Variants in CUX1 observed in about 807,000 individuals in gnomAD.
CUX1 encodes protein CASP.
CUX1 carries 31 observed loss-of-function variants against 158.8 expected under a neutral mutation model. The ratio of observed to expected loss-of-function variants is 0.20; its 90% CI spans 0.15 to 0.26. The LOEUF is 0.26. Among genes scored for constraint, CUX1 ranks in the 10% least tolerant of loss-of-function variants. The probability of loss-of-function intolerance (pLI) is 1.00; values close to 1 mark genes in which losing one functional copy is unlikely to be tolerated. For synonymous variants in CUX1, 879 were observed against 862.1 expected, an observed-to-expected ratio of 1.02 and a Z score of -0.34; for missense variants, 1,589 against 2,014.6, an observed-to-expected ratio of 0.79 and a Z score of 4.04.
At chr7:101,998,905 G>A (rs1054887547) in intron 2 of CUX1, among the ~76,000 whole-genome samples, 10 of 152,318 alleles carry the variant, frequency 6.6e-5, no homozygotes, top group African/African-American at 2.2e-4. Context: ...CCAGGTTCAC[G>A]GCTGGGCTTT....
intron 8 of CUX1, among the ~76,000 whole-genome samples, chr7:102,124,774 T>A (rs1832429363): frequency 6.6e-6 from 1 of 151,976 alleles, no homozygotes; most frequent in South Asian, 2.1e-4. Flanking sequence ...TAAAATTGGT[T>A]AGTAGAAATT....
chr7:102,246,429 A>C (rs1800819753), intron 23 of CUX1, among the ~76,000 whole-genome samples: 1 of 152,164 alleles, frequency 6.6e-6, no homozygotes, highest in Non-Finnish European at 1.5e-5. Context: ...GCACGCAGGA[A>C]TCAAATAACT....
At chr7:102,137,188 T>TCC (rs1306394010) in intron 8 of CUX1, among the ~76,000 whole-genome samples, 3 of 152,198 alleles carry the variant, frequency 2.0e-5, no homozygotes, top group Non-Finnish European at 4.4e-5. Flanking sequence ...CTTTCCATGT[T>TCC]AATCAAATGC....
At chr7:102,048,948 G>C (rs760696716) in intron 3 of CUX1, among the ~76,000 whole-genome samples, 3 of 152,174 alleles carry the variant, frequency 2.0e-5, no homozygotes, top group African/African-American at 7.2e-5. Flanking sequence ...CTCCATGTCT[G>C]TTTCATCTGT....
chr7:101,989,593 G>C, intron 2 of CUX1, among the ~76,000 whole-genome samples: 1 of 152,226 alleles, frequency 6.6e-6, no homozygotes, highest in Admixed American at 6.5e-5. Context: ...AGACACCATG[G>C]AGGTGGAGAG....
At chr7:102,273,089 C>T (rs1791345306) in intron 14 of CUX1, among the ~76,000 whole-genome samples, 1 of 152,258 alleles carries the variant, frequency 6.6e-6, no homozygotes, top group African/African-American at 2.4e-5. Flanking sequence ...TCTCCTAATC[C>T]CTGACCTGAG....
chr7:102,136,460 C>T (rs1477135074), intron 8 of CUX1, among the ~76,000 whole-genome samples: 1 of 151,824 alleles, frequency 6.6e-6, no homozygotes, highest in African/African-American at 2.4e-5. Flanking sequence ...GGCACGATCT[C>T]AGCTCACTGC....
intron 1 of CUX1, among the ~76,000 whole-genome samples, chr7:101,844,000 T>C (rs556073173): frequency 1.3e-4 from 20 of 152,288 alleles, no homozygotes; most frequent in African/African-American, 4.8e-4. Context: ...AACCTGCACC[T>C]TTCTTAAGTT....
chr7:101,923,166 G>A (rs1015641107), intron 2 of CUX1, among the ~76,000 whole-genome samples: 13 of 152,156 alleles, frequency 8.5e-5, no homozygotes, highest in Non-Finnish European at 1.6e-4. Context: ...GGACAGTTTG[G>A]AGACCAGGTA....
At position 102,257,287 on chromosome 7, in the gene CUX1, TC is replaced by T. The variant is rs1790000892; in HGVS notation, c.*8249del. On this transcript the variant is annotated 3_prime_UTR_variant, in exon 24 of 24. Coordinates refer to ENST00000292535, the MANE Select transcript of CUX1 (RefSeq NM_181552.4). Reference sequence around the variant, plus strand: ...AAGAAACCCTCCACCGAAACAATGGTCCCCATCTCCCCAGAAGCCTTTTTTT... The same window carrying T: ...AAGAAACCCTCCACCGAAACAATGGTCCCATCTCCCCAGAAGCCTTTTTTT... The T allele has an allele frequency of 1.0e-6, 1 of 983,226 alleles. No homozygotes were observed. The highest frequency in any genetic ancestry group is 1.8e-5 in the African/African-American group (1 of 56,748). 60.9% of individuals were successfully genotyped at this position (983,226 alleles called of 1,614,324 possible). A position where few individuals can be genotyped will look rare whatever the true frequency, so the allele number is the denominator to read the frequency against.
intron 2 of CUX1, among the ~76,000 whole-genome samples, chr7:101,990,533 T>C (rs1424819593): frequency 1.3e-5 from 2 of 152,168 alleles, no homozygotes; most frequent in East Asian, 3.9e-4. Flanking sequence ...CCCACCACCA[T>C]GTCTGGCTAA....
chr7:101,954,468 A>C (rs1424896868), intron 2 of CUX1, among the ~76,000 whole-genome samples: 1 of 152,188 alleles, frequency 6.6e-6, no homozygotes, highest in Non-Finnish European at 1.5e-5. Context: ...CGTCTTTTGT[A>C]GCTGTATGTA....
At chr7:102,054,490 T>A (rs1480286984) in intron 3 of CUX1, among the ~76,000 whole-genome samples, 1 of 152,228 alleles carries the variant, frequency 6.6e-6, no homozygotes, top group Admixed American at 6.5e-5. Context: ...CTTTCTGGGC[T>A]GTATTGATCT....
chr7:102,061,663 G>A (rs534276058), intron 3 of CUX1, among the ~76,000 whole-genome samples: 19 of 152,324 alleles, frequency 1.2e-4, no homozygotes, highest in East Asian at 3.9e-4. Flanking sequence ...TGTGTGTGGC[G>A]TGGACTTGCC....
In CUX1 at chr7:101,916,020, C is replaced by T. The variant is rs1287588430; in HGVS notation, c.31-95C>T. 4.8e-6 allele frequency: 4 copies of T among 832,252 alleles called. No individual in the cohort carries two copies. The highest frequency in any genetic ancestry group is 8.3e-6 in the Non-Finnish European group (4 of 481,932). 51.6% of individuals were successfully genotyped at this position (832,252 alleles called of 1,614,324 possible). A position where few individuals can be genotyped will look rare whatever the true frequency, so the allele number is the denominator to read the frequency against. On this transcript the variant is annotated intron_variant, in intron 1 of 23. Transcript: ENST00000292535. The surrounding 1 kb of genome is among the most constrained non-coding windows in gnomAD (Gnocchi z 4.4). ...TGATGTTCCTTAGAGCCACTGGGGT[C>T]TCTCCCCCAGTGTTCTGGTCAAATG...
chr7:102,141,670 T>G (rs368642219), intron 8 of CUX1, among the ~76,000 whole-genome samples: 2 of 152,278 alleles, frequency 1.3e-5, no homozygotes, highest in East Asian at 1.9e-4. Flanking sequence ...TTGCCCAGGC[T>G]GTAGTGCAGT....
At chr7:101,970,785 A>ACCTAAGCTGACCCACCTC (rs1811857448) in intron 2 of CUX1, among the ~76,000 whole-genome samples, 1 of 152,000 alleles carries the variant, frequency 6.6e-6, no homozygotes, top group South Asian at 2.1e-4. Flanking sequence ...TGAACTCCTG[A>ACCTAAGCTGACCCACCTC]CCTCAGCTGA....
At chr7:101,956,848 C>T (rs1809838350) in intron 2 of CUX1, among the ~76,000 whole-genome samples, 1 of 152,086 alleles carries the variant, frequency 6.6e-6, no homozygotes, top group Non-Finnish European at 1.5e-5. Flanking sequence ...ATCTGGGAGG[C>T]CAAGGCGGGA....
chr7:101,955,829 G>A (rs775438441), intron 2 of CUX1, among the ~76,000 whole-genome samples: 5 of 152,054 alleles, frequency 3.3e-5, no homozygotes, highest in Non-Finnish European at 5.9e-5. Flanking sequence ...AGGGCTAAGA[G>A]TCACAACTTT....
Sources: gnomAD v4.1 joint callset for allele counts (sites outside exome capture counted in the v4.1 genomes callset) on GRCh38, gnomAD v4.1.1 for gene constraint, Gnocchi (gnomAD v3.1) non-coding constraint, MANE v1.5 for transcripts, NCBI Gene and HGNC (gene_info 2026-07-23, HGNC 2026-07-21) for gene names.